RTL9: variants seen among roughly 807,000 people sequenced by gnomAD.
The protein encoded by RTL9 is retrotransposon Gag-like protein 9.
In RTL9, 19 loss-of-function variants were observed where a neutral mutation model predicts 44.7. The observed-to-expected ratio is 0.42, with a 90% CI of 0.30 to 0.62. The LOEUF (loss-of-function observed/expected upper bound fraction) is 0.62, where lower values mean the gene tolerates loss of function less well. Ranked by LOEUF, RTL9 falls within the 20% of genes least tolerant of loss-of-function variation. RTL9 has a pLI of 0.16. For synonymous variants in RTL9, 407 were observed against 398.9 expected (o/e 1.02, Z -0.24); for missense variants, 1,105 against 1,080.6 (o/e 1.02, Z -0.32).
At chrX:110,425,750 C>T (rs2068748575) in intron 1 of RTL9, among the ~76,000 whole-genome samples, 1 of 112,273 alleles carries the variant, frequency 8.9e-6, no homozygotes, top group Admixed American at 9.4e-5. Context: ...AAGTCATTTG[C>T]TCAAGATCAT....
chrX:110,438,432 G>A (rs1445497732), intron 1 of RTL9, among the ~76,000 whole-genome samples: 1 of 111,433 alleles, frequency 9.0e-6, no homozygotes. Context: ...ATCAGAATCC[G>A]TAATCTGCCC....
chrX:110,401,782 G>C (rs138052073), intron 1 of RTL9, among the ~76,000 whole-genome samples: 1 of 112,107 alleles, frequency 8.9e-6, no homozygotes, highest in African/African-American at 3.2e-5. Context: ...TTCCTCCCCT[G>C]TAAAATGGAT....
rs5942928 is a variant in RTL9, at chrX:110,442,247, C to G, written c.-167-2906C>G. Reference sequence around the variant, plus strand: ...TCTCTCTCTCTCTCTCTCTCTCTCTCTGTGTGTGTGTGTGTGTGTGTGTGT... The same window carrying G: ...TCTCTCTCTCTCTCTCTCTCTCTCTGTGTGTGTGTGTGTGTGTGTGTGTGT... On this transcript the variant is annotated intron_variant, in intron 1 of 3. Transcript: ENST00000465301. Among the ~76,000 whole-genome samples, 503 of 97,003 alleles carry G rather than the reference C, an allele frequency of 5.2e-3. 1 individual carries two copies. Among genetic ancestry groups the G allele is most frequent in the East Asian group, 8.5e-3 (26 of 3,060 alleles). 84.2% of individuals were successfully genotyped at this position (97,003 alleles called of 115,157 possible).
exon 1 of RTL9, chrX:110,452,720 C>T: frequency 2.5e-6 from 3 of 1,210,567 alleles, no homozygotes; most frequent in Non-Finnish European, 3.4e-6. Context: ...GAGCTCAAGA[C>T]CCAGGAGTAA....
intron 1 of RTL9, among the ~76,000 whole-genome samples, chrX:110,435,506 C>T (rs898040171): frequency 1.8e-5 from 2 of 111,967 alleles, no homozygotes; most frequent in African/African-American, 6.5e-5. Flanking sequence ...TAGCAGGTCC[C>T]AGAACAAAAT....
chrX:110,386,451 T>A (rs1485054531), intron 1 of RTL9, among the ~76,000 whole-genome samples: 2 of 111,343 alleles, frequency 1.8e-5, no homozygotes, highest in African/African-American at 6.5e-5. Context: ...AGGTTGAGTA[T>A]CTTTTCATGT....
At chrX:110,410,410 G>T (rs5942920) in intron 1 of RTL9, among the ~76,000 whole-genome samples, 1 of 111,549 alleles carries the variant, frequency 9.0e-6, no homozygotes, top group African/African-American at 3.3e-5. Context: ...TAGGACAAGA[G>T]GAACTCGCCA....
intron 1 of RTL9, among the ~76,000 whole-genome samples, chrX:110,442,900 G>A (rs947183292): frequency 8.9e-6 from 1 of 111,757 alleles, no homozygotes; most frequent in African/African-American, 3.3e-5. Flanking sequence ...AAGGAACCTG[G>A]GATGAGAACT....
intron 1 of RTL9, among the ~76,000 whole-genome samples, chrX:110,429,684 G>A (rs1464803052): frequency 9.1e-6 from 1 of 110,151 alleles, no homozygotes; most frequent in Non-Finnish European, 1.9e-5. Flanking sequence ...GTTTCACCAT[G>A]TTGGCCAGGC....
chrX:110,454,592 G>T, exon 1 of RTL9: 1 of 1,211,613 alleles, frequency 8.3e-7, no homozygotes, highest in Non-Finnish European at 1.1e-6. Context: ...GCCAGGTTCT[G>T]CCAACAGCCT....
At chrX:110,363,627 A>G (rs929672289) in intron 1 of RTL9, among the ~76,000 whole-genome samples, 5 of 111,600 alleles carry the variant, frequency 4.5e-5, no homozygotes, top group Admixed American at 2.8e-4. Flanking sequence ...AAATAATTAG[A>G]AAGAGAAGTT....
exon 1 of RTL9, chrX:110,452,597 C>T: frequency 8.3e-7 from 1 of 1,211,799 alleles, no homozygotes; most frequent in Non-Finnish European, 1.1e-6. Flanking sequence ...AAATGACAGA[C>T]ACAGCCTCTG....
intron 1 of RTL9, among the ~76,000 whole-genome samples, chrX:110,371,735 G>C (rs2068340297): frequency 9.0e-6 from 1 of 111,058 alleles, no homozygotes; most frequent in Admixed American, 9.5e-5. Flanking sequence ...GATCTGCTGT[G>C]AGCCACAGAC....
Position 110,425,600 on chromosome X carries a change from T to C in RTL9, c.-168+6465T>C, listed in dbSNP as rs913058911. 4.4e-5 allele frequency among the ~76,000 whole-genome samples: 5 copies of C among 113,198 alleles called. No homozygotes were observed. The East Asian group carries it at 1.4e-3, about 31-fold the overall frequency. On this transcript the variant is annotated intron_variant, in intron 1 of 3. Coordinates refer to the RTL9 transcript ENST00000465301. ...CTAACATATACAACAACAATAATAG[T>C]TGCCCTATAGTGAGTACTTACTATG...
intron 1 of RTL9, among the ~76,000 whole-genome samples, chrX:110,423,268 C>T (rs1189909947): frequency 9.3e-6 from 1 of 107,743 alleles, no homozygotes; most frequent in African/African-American, 3.4e-5. Flanking sequence ...GTTGAGGTTG[C>T]AGTGAGCCAA....
exon 1 of RTL9, chrX:110,453,919 A>G: frequency 8.3e-7 from 1 of 1,211,365 alleles, no homozygotes; most frequent in South Asian, 1.8e-5. Flanking sequence ...AAAGCCACAG[A>G]CTCTGGAGAG....
intron 1 of RTL9, among the ~76,000 whole-genome samples, chrX:110,389,579 A>G (rs2068480780): frequency 8.9e-6 from 1 of 112,096 alleles, no homozygotes; most frequent in Non-Finnish European, 1.9e-5. Flanking sequence ...TTTTAAATCT[A>G]ATTTACCATA....
intron 1 of RTL9, among the ~76,000 whole-genome samples, chrX:110,376,864 G>A (rs1047232555): frequency 1.8e-5 from 2 of 112,156 alleles, no homozygotes; most frequent in African/African-American, 6.5e-5. Context: ...AATGTTAACT[G>A]TTGGATGTGT....
chrX:110,437,395 CATT>C (rs1340234831), intron 1 of RTL9, among the ~76,000 whole-genome samples: 3 of 112,431 alleles, frequency 2.7e-5, no homozygotes, highest in Non-Finnish European at 5.6e-5. Flanking sequence ...GTCTTCACAA[CATT>C]ATATGATAGC....
Sources: gnomAD v4.1 joint callset for allele counts (sites outside exome capture counted in the v4.1 genomes callset) on GRCh38, gnomAD v4.1.1 for gene constraint, MANE v1.5 for transcripts, NCBI Gene and HGNC (gene_info 2026-07-23, HGNC 2026-07-21) for gene names.